The following KLHL1 variants were observed in gnomAD, a reference collection of about 807,000 sequenced individuals.
The protein encoded by KLHL1 is kelch-like protein 1.
In KLHL1, 47 loss-of-function variants were observed where a neutral mutation model predicts 77.7. The observed-to-expected ratio is 0.60, with a 90% CI of 0.48 to 0.77. The LOEUF is 0.77. Ranked by LOEUF, KLHL1 falls within the 30% of genes least tolerant of loss-of-function variation. The probability of loss-of-function intolerance (pLI) is 0.00; values close to 1 mark genes in which losing one functional copy is unlikely to be tolerated. For missense variants in KLHL1, 925 were observed against 910.8 expected, an observed-to-expected ratio of 1.02 and a Z score of -0.20; for synonymous variants, 360 against 325.2, an observed-to-expected ratio of 1.11 and a Z score of -1.15.
intron 6 of KLHL1, among the ~76,000 whole-genome samples, chr13:69,824,189 T>C (rs1229344066): frequency 6.6e-6 from 1 of 152,020 alleles, no homozygotes; most frequent in South Asian, 2.1e-4. Context: ...AATTCTGGTA[T>C]AGCAAAGAAT....
At position 70,107,926 on chromosome 13, in the gene KLHL1, G is replaced by T. The variant is rs746592989; in HGVS notation, c.-227C>A. 1.0e-5 allele frequency: 5 copies of T among 497,338 alleles called. No individual in the cohort carries two copies. In the Admixed American group the frequency reaches 1.9e-4, roughly 19 times the overall value. 30.8% of individuals were successfully genotyped at this position (497,338 alleles called of 1,614,324 possible). On this transcript the variant is annotated 5_prime_UTR_variant, in exon 1 of 11. Transcript: ENST00000377844. ...GTGGTCGGGTCCGCAGGACCTGGGCGTGGGGACACCACCAGGCAGGAGCAG... is the reference window on the plus strand; with the variant it reads ...GTGGTCGGGTCCGCAGGACCTGGGCTTGGGGACACCACCAGGCAGGAGCAG...
chr13:70,108,231 C>G lies in KLHL1; in HGVS notation c.-532G>C, dbSNP rs1423074130. ...GCCCCAAGTCTCGAGGAAGCGTACC[C>G]CTCGCCAGATCTCTTGGTGCACCTG... On this transcript the variant is annotated 5_prime_UTR_variant, in exon 1 of 11. Coordinates refer to ENST00000377844, the MANE Select transcript of KLHL1 (RefSeq NM_020866.3). 2.6e-6 allele frequency: 1 copy of G among 390,794 alleles called. No homozygotes were observed. The highest frequency in any genetic ancestry group is 2.1e-5 in the African/African-American group (1 of 48,446). 24.2% of individuals were successfully genotyped at this position (390,794 alleles called of 1,614,324 possible).
chr13:69,791,154 C>T (rs1159771705), intron 7 of KLHL1, among the ~76,000 whole-genome samples: 1 of 151,762 alleles, frequency 6.6e-6, no homozygotes, highest in African/African-American at 2.4e-5. Context: ...GTTAAATATA[C>T]AAATACAAAC....
At chr13:70,094,083 A>G (rs1000321944) in intron 1 of KLHL1, among the ~76,000 whole-genome samples, 1 of 152,170 alleles carries the variant, frequency 6.6e-6, no homozygotes, top group Non-Finnish European at 1.5e-5. Context: ...TTAACACAAG[A>G]AAGTTAGATT....
intron 1 of KLHL1, among the ~76,000 whole-genome samples, chr13:70,095,835 C>T (rs984400127): frequency 6.6e-5 from 10 of 151,902 alleles, no homozygotes; most frequent in Admixed American, 5.9e-4. Context: ...CTCCACCCCC[C>T]CCACCACACT....
At chr13:69,799,649 T>C (rs1331715715) in intron 6 of KLHL1, among the ~76,000 whole-genome samples, 2 of 152,196 alleles carry the variant, frequency 1.3e-5, no homozygotes, top group Non-Finnish European at 2.9e-5. Flanking sequence ...CACAGATTTG[T>C]TATCTTACAG....
intron 8 of KLHL1, among the ~76,000 whole-genome samples, chr13:69,721,697 C>T (rs1873072757): frequency 6.6e-6 from 1 of 151,900 alleles, no homozygotes; most frequent in South Asian, 2.1e-4. Flanking sequence ...ATTTTAAATC[C>T]TGGGAATGTT....
At chr13:69,910,741 A>G (rs2138242772) in intron 4 of KLHL1, among the ~76,000 whole-genome samples, 1 of 152,272 alleles carries the variant, frequency 6.6e-6, no homozygotes, top group South Asian at 2.1e-4. Flanking sequence ...TTCATTAAAA[A>G]GATAAAATCA....
chr13:69,735,016 A>G (rs1004344394), intron 8 of KLHL1, among the ~76,000 whole-genome samples: 3 of 152,120 alleles, frequency 2.0e-5, no homozygotes, highest in African/African-American at 4.8e-5. Context: ...CATAGCTGGA[A>G]TATGGAATGC....
chr13:70,061,340 ATT>A (rs34892755), intron 1 of KLHL1, among the ~76,000 whole-genome samples: 29 of 145,900 alleles, frequency 2.0e-4, no homozygotes, highest in South Asian at 4.3e-4. Flanking sequence ...CCTGAATTCC[ATT>A]TTTTTTTTTT....
rs1021981973 is a variant in KLHL1 at position 69,782,527 on chromosome 13, C to T, written c.1639+14211G>A. 2.0e-5 allele frequency among the ~76,000 whole-genome samples: 3 copies of T among 152,202 alleles called. No individual in the cohort carries two copies. In the South Asian group the frequency reaches 6.2e-4, roughly 31 times the overall value. On this transcript the variant is annotated intron_variant, in intron 7 of 10. Transcript: ENST00000377844. ...CCAGGAGATTATATCCTGCACCTGG[C>T]TTGGAGGGTCCTACGCCCACAGAGT... is the stretch of plus-strand genomic sequence containing the variant.
At chr13:69,813,699 T>G (rs1438737446) in intron 6 of KLHL1, among the ~76,000 whole-genome samples, 2 of 152,024 alleles carry the variant, frequency 1.3e-5, no homozygotes, top group East Asian at 1.9e-4. Flanking sequence ...ACCAAGGAGA[T>G]GAAAGATATC....
chr13:69,933,210 C>T (rs573116057), intron 4 of KLHL1, among the ~76,000 whole-genome samples: 7 of 151,582 alleles, frequency 4.6e-5, no homozygotes, highest in Non-Finnish European at 5.9e-5. Context: ...ACTAAGACCA[C>T]GAAGGCATGT....
At chr13:69,978,009 A>G (rs1884597399) in intron 1 of KLHL1, among the ~76,000 whole-genome samples, 1 of 152,036 alleles carries the variant, frequency 6.6e-6, no homozygotes, top group African/African-American at 2.4e-5. Flanking sequence ...TTCTCCTTTA[A>G]ATATTTGAAA....
intron 6 of KLHL1, among the ~76,000 whole-genome samples, chr13:69,836,620 T>C (rs1879001381): frequency 6.6e-6 from 1 of 152,050 alleles, no homozygotes; most frequent in South Asian, 2.1e-4. Flanking sequence ...ACTCTAAGTG[T>C]TTGCCTAAAA....
Position 70,107,427 on chromosome 13 carries a change from C to T in KLHL1, c.273G>A (p.Pro91=), listed in dbSNP as rs747537926. ...SPSSSSSSFN[P]LNGTLLPVAT... Reference sequence around the variant, plus strand: ...CAACTGGAAGCAGGGTGCCATTCAGCGGATTGAAGGAAGAGGAGGAAGAGG... The same window carrying T: ...CAACTGGAAGCAGGGTGCCATTCAGTGGATTGAAGGAAGAGGAGGAAGAGG... The change falls in exon 1 of 11, where the codon CCG becomes CCA. Residue 91 remains proline (P), a synonymous_variant. Coordinates refer to ENST00000377844, the MANE Select transcript of KLHL1 (RefSeq NM_020866.3). The T allele has an allele frequency of 1.9e-6, 3 of 1,613,930 alleles. No individual in the cohort carries two copies. The highest frequency in any genetic ancestry group is 2.7e-5 in the African/African-American group (2 of 74,874).
At chr13:69,710,310 G>T (rs1289760048) in intron 9 of KLHL1, among the ~76,000 whole-genome samples, 1 of 151,762 alleles carries the variant, frequency 6.6e-6, no homozygotes, top group Non-Finnish European at 1.5e-5. Flanking sequence ...TTTCTAAAAA[G>T]TAATTTTACA....
intron 1 of KLHL1, among the ~76,000 whole-genome samples, chr13:70,049,882 A>G (rs1430514631): frequency 2.0e-5 from 3 of 152,106 alleles, no homozygotes; most frequent in Admixed American, 6.5e-5. Context: ...CTGACAGAAA[A>G]TTAATATTGC....
chr13:69,722,729 A>AAACCATTACGAG, intron 8 of KLHL1, among the ~76,000 whole-genome samples: 1 of 152,194 alleles, frequency 6.6e-6, no homozygotes, highest in South Asian at 2.1e-4. Flanking sequence ...ACCATTACGA[A>AAACCATTACGAG]AAACCATTAC....
Sources: allele counts gnomAD v4.1 joint callset (sites outside exome capture counted in the v4.1 genomes callset), GRCh38; gene constraint gnomAD v4.1.1; transcripts MANE v1.5; gene names NCBI Gene and HGNC (gene_info 2026-07-23, HGNC 2026-07-21).